The following PRLR variants were observed in gnomAD, a reference collection of about 807,000 sequenced individuals.
PRLR encodes hPRL receptor.
Under a neutral mutation model 40.2 loss-of-function variants are expected in PRLR, and 13 were observed. The ratio of observed to expected loss-of-function variants is 0.32; its 90% CI spans 0.21 to 0.51. The LOEUF is 0.51. Among genes scored for constraint, PRLR ranks in the 20% least tolerant of loss-of-function variants. The pLI is 0.97. For synonymous variants in PRLR, 269 were observed against 278.7 expected (o/e 0.97, Z 0.35); for missense variants, 656 against 747.3 (o/e 0.88, Z 1.42).
chr5:35,144,125 A>G (rs1434606759), intron 1 of PRLR, among the ~76,000 whole-genome samples: 3 of 29,062 alleles, frequency 1.0e-4, no homozygotes, highest in South Asian at 1.0e-3. Flanking sequence ...CAAGCTTCCA[A>G]AAAAAAAAAA....
chr5:35,098,053 A>G (rs1431798507), intron 2 of PRLR, among the ~76,000 whole-genome samples: 1 of 152,170 alleles, frequency 6.6e-6, no homozygotes, highest in Non-Finnish European at 1.5e-5. Flanking sequence ...CCTCCCAGCC[A>G]TAGGATTGCA....
chr5:35,121,570 T>TAA (rs1326556875), intron 1 of PRLR, among the ~76,000 whole-genome samples: 7 of 152,236 alleles, frequency 4.6e-5, no homozygotes, highest in Admixed American at 1.3e-4. Context: ...TTACCTCTGA[T>TAA]AAGCTTCAAC....
chr5:35,053,286 T>C (rs1768568409), downstream of PRLR, among the ~76,000 whole-genome samples: 1 of 152,124 alleles, frequency 6.6e-6, no homozygotes, highest in South Asian at 2.1e-4. Context: ...AAATTGAAAA[T>C]CCAAGAAAAC....
At chr5:35,189,820 G>T (rs1397070626) in intron 1 of PRLR, among the ~76,000 whole-genome samples, 1 of 152,132 alleles carries the variant, frequency 6.6e-6, no homozygotes, top group Non-Finnish European at 1.5e-5. Flanking sequence ...AAGAGTTCAT[G>T]ATTTCCATGA....
At chr5:35,169,470 A>C (rs1040485920) in intron 1 of PRLR, among the ~76,000 whole-genome samples, 1 of 152,218 alleles carries the variant, frequency 6.6e-6, no homozygotes, top group African/African-American at 2.4e-5. Context: ...CAGGCATTCT[A>C]ATGATGTAAA....
chr5:35,229,509 G>C (rs1232918623), intron 1 of PRLR, among the ~76,000 whole-genome samples: 1 of 152,034 alleles, frequency 6.6e-6, no homozygotes, highest in Non-Finnish European at 1.5e-5. Context: ...CGTAGCACTC[G>C]GGCCGGCCCT....
At chr5:35,083,497 T>C (rs1461726565) in intron 5 of PRLR, among the ~76,000 whole-genome samples, 1 of 151,392 alleles carries the variant, frequency 6.6e-6, no homozygotes, top group Non-Finnish European at 1.5e-5. Flanking sequence ...TGGTAGTTTT[T>C]AACATTTAAA....
chr5:35,207,080 C>G (rs1561365226), intron 1 of PRLR, among the ~76,000 whole-genome samples: 1 of 152,056 alleles, frequency 6.6e-6, no homozygotes, highest in East Asian at 1.9e-4. Context: ...ACATAACACA[C>G]TTTTAAAAAT....
At chr5:35,215,173 G>A (rs1212048053) in intron 1 of PRLR, among the ~76,000 whole-genome samples, 1 of 152,164 alleles carries the variant, frequency 6.6e-6, no homozygotes, top group Non-Finnish European at 1.5e-5. Context: ...GCTGTCATGT[G>A]GTAAGCAGTT....
At chr5:35,070,710 G>T (rs916085521) in intron 6 of PRLR, among the ~76,000 whole-genome samples, 1 of 151,728 alleles carries the variant, frequency 6.6e-6, no homozygotes, top group Admixed American at 6.6e-5. Flanking sequence ...AGGCATGGTG[G>T]CACATGCCTG....
In PRLR at chr5:35,072,052, C is replaced by T. The variant is rs1303228016; in HGVS notation, c.543+523G>A. 2.0e-5 allele frequency among the ~76,000 whole-genome samples: 3 copies of T among 151,858 alleles called. No individual in the cohort carries two copies. In the East Asian group the frequency reaches 5.8e-4, roughly 29 times the overall value. On this transcript the variant is annotated intron_variant, in intron 6 of 9. Transcript: ENST00000618457. ...CTGGGATTACAGGTGCCCGCCACCA[C>T]ACCTGGCTAATTTTTTTGTACTTTT...
intron 2 of PRLR, among the ~76,000 whole-genome samples, chr5:35,117,248 T>C (rs537203591): frequency 2.0e-5 from 3 of 152,318 alleles, no homozygotes; most frequent in East Asian, 3.9e-4. Flanking sequence ...TGTTTCAATG[T>C]GGGAAGACTA....
chr5:35,133,828 T>C (rs1773763335), intron 1 of PRLR, among the ~76,000 whole-genome samples: 1 of 152,166 alleles, frequency 6.6e-6, no homozygotes, highest in Non-Finnish European at 1.5e-5. Flanking sequence ...TTTTGCCAAG[T>C]GGTCATGAGA....
intron 1 of PRLR, among the ~76,000 whole-genome samples, chr5:35,223,621 A>G (rs375489222): frequency 6.6e-6 from 1 of 152,132 alleles, no homozygotes; most frequent in Admixed American, 6.5e-5. Flanking sequence ...CTCAATGCCC[A>G]TTTTCTACTT....
intron 1 of PRLR, among the ~76,000 whole-genome samples, chr5:35,160,892 T>G (rs1319111310): frequency 6.6e-6 from 1 of 152,218 alleles, no homozygotes; most frequent in Non-Finnish European, 1.5e-5. Flanking sequence ...GAAAAACCAC[T>G]AGCCCACAAG....
intron 5 of PRLR, among the ~76,000 whole-genome samples, chr5:35,080,104 A>C (rs187090494): frequency 1.1e-3 from 165 of 152,358 alleles, no homozygotes; most frequent in African/African-American, 3.9e-3. Flanking sequence ...AAACCTAGGC[A>C]ATACCATTCA....
At chr5:35,197,975 A>G (rs1775781722) in intron 1 of PRLR, among the ~76,000 whole-genome samples, 4 of 152,186 alleles carry the variant, frequency 2.6e-5, no homozygotes, top group Non-Finnish European at 4.4e-5. Flanking sequence ...GTCCTGACAA[A>G]GGCAGGGCAG....
chr5:35,171,338 A>G (rs1448805629), intron 1 of PRLR, among the ~76,000 whole-genome samples: 1 of 152,152 alleles, frequency 6.6e-6, no homozygotes, highest in Admixed American at 6.5e-5. Context: ...ACCATTGGAT[A>G]GAGGTGTTAT....
chr5:35,101,717 AATATAAAACAT>A (rs1178742420), intron 2 of PRLR, among the ~76,000 whole-genome samples: 65 of 149,086 alleles, frequency 4.4e-4, no homozygotes, highest in Middle Eastern at 3.6e-3. Flanking sequence ...TACATATATA[AATATAAAACAT>A]ATATAAAACA....
Sources: allele counts gnomAD v4.1 joint callset (sites outside exome capture counted in the v4.1 genomes callset), GRCh38; gene constraint gnomAD v4.1.1; transcripts MANE v1.5; gene names NCBI Gene and HGNC (gene_info 2026-07-23, HGNC 2026-07-21).